CIITA: variants seen among roughly 807,000 people sequenced by gnomAD.
The protein encoded by CIITA is class II major histocompatibility complex transactivator, also known as MHC class II transactivator.
A neutral mutation model predicts 115.1 loss-of-function variants in CIITA; 72 were observed. The ratio of observed to expected loss-of-function variants is 0.63; its 90% CI spans 0.52 to 0.76. CIITA has a LOEUF of 0.76. Among genes scored for constraint, CIITA ranks in the 30% least tolerant of loss-of-function variants. CIITA has a pLI of 0.00. For missense variants in CIITA, 1,617 were observed against 1,463.8 expected (o/e 1.10, Z -1.71); for synonymous variants, 763 against 635.6 (o/e 1.20, Z -3.02).
chr16:10,899,045 C>G lies in CIITA; in HGVS notation c.436+43C>G, dbSNP rs112757186. 4.8e-5 allele frequency: 77 copies of G among 1,590,706 alleles called. No individual in the cohort carries two copies. The African/African-American group carries it at 8.9e-4, about 18-fold the overall frequency. ...TGATCCAACCTAGCCTTGCTTGAGA[C>G]CTGGCCTTTCCTTGACTCCAAAGCC... On this transcript the variant is annotated intron_variant, in intron 5 of 19. Coordinates refer to ENST00000324288, the MANE Select transcript of CIITA (RefSeq NM_000246.4).
upstream of CIITA, among the ~76,000 whole-genome samples, chr16:10,876,678 C>T (rs2035869581): frequency 6.6e-6 from 1 of 152,168 alleles, no homozygotes; most frequent in Non-Finnish European, 1.5e-5. Context: ...GGTTAACACT[C>T]TTTTGGTATA....
intron 3 of CIITA, 30 bp downstream of exon 3, chr16:10,895,794 C>T (rs778332938): frequency 7.4e-5 from 118 of 1,604,692 alleles, no homozygotes; most frequent in Middle Eastern, 3.3e-4. Flanking sequence ...CAGAAAAGGA[C>T]AATCAAGGGC....
Position 10,909,129 on chromosome 16 carries a change from T to C in CIITA, c.2758T>C (p.Phe920Leu), listed in dbSNP as rs570003993. Residue 920 changes from phenylalanine to leucine, a missense_variant, in exon 12 of 20, where the codon TTC becomes CTC. Physicochemically the swap from Phe to Leu is conservative, Grantham distance 22. Transcript: ENST00000324288. ...AAEEKFTIEP[F>L]KAKSLKDVED... ...AGAGGAGAAGTTCACCATCGAGCCT[T>C]TCAAAGCCAAGTCCCTGAAGGATGT... The C allele has an allele frequency of 3.8e-5, 61 of 1,614,076 alleles. No homozygotes were observed. The highest frequency in any genetic ancestry group is 5.1e-6 in the Non-Finnish European group (6 of 1,180,050).
upstream of CIITA, among the ~76,000 whole-genome samples, chr16:10,872,217 G>A (rs906760711): frequency 4.6e-5 from 7 of 152,080 alleles, no homozygotes; most frequent in African/African-American, 1.7e-4. Context: ...CTGCCTCCCA[G>A]ATTCAAGCAA....
chr16:10,908,287 TA>T, intron 11 of CIITA, 138 bp downstream of exon 11: 1 of 1,037,624 alleles, frequency 9.6e-7, no homozygotes, highest in Non-Finnish European at 1.4e-6. Flanking sequence ...TCTCCATTTT[TA>T]AGATGAGGAT....
chr16:10,901,888 A>T lies in CIITA; in HGVS notation c.482-150A>T. On this transcript the variant is annotated intron_variant, in intron 6 of 19. Coordinates refer to ENST00000324288, the MANE Select transcript of CIITA (RefSeq NM_000246.4). The surrounding 1 kb of genome is among the most constrained non-coding windows in gnomAD (Gnocchi z 6.8). ...ACTGGGGGACTGCCTGGCACAGAGC[A>T]GTTGCTGATCAACACAGCTGCAGCC... 7 of 1,115,244 alleles carry T rather than the reference A, an allele frequency of 6.3e-6. No individual in the cohort carries two copies. Among genetic ancestry groups the T allele is most frequent in the Non-Finnish European group, 9.3e-6 (7 of 749,832 alleles). The allele number at this position is 1,115,244 out of a possible 1,614,324, so 69.1% of individuals were successfully genotyped here. A position where few individuals can be genotyped will look rare whatever the true frequency, so the allele number is the denominator to read the frequency against.
At position 10,933,763 on chromosome 16, in the gene CIITA, A is replaced by C. The variant is rs2040899700; in HGVS notation, c.*9908A>C. The C allele has an allele frequency of 6.6e-6, 1 of 152,246 alleles. No individual in the cohort carries two copies. The highest frequency in any genetic ancestry group is 1.5e-5 in the Non-Finnish European group (1 of 68,070). 9.4% of individuals were successfully genotyped at this position (152,246 alleles called of 1,614,324 possible). A position where few individuals can be genotyped will look rare whatever the true frequency, so the allele number is the denominator to read the frequency against. On this transcript the variant is annotated 3_prime_UTR_variant, in exon 20 of 20. Transcript: ENST00000324288. ...TCCTTCAAAGACCTTGCCTTCTAGA[A>C]ACCCATTGCTCATTCCTTTCTCCAT... is the stretch of plus-strand genomic sequence containing the variant.
Position 10,907,976 on chromosome 16 carries a change from G to T in CIITA, c.2484G>T (p.Glu828Asp), listed in dbSNP as rs1404754425. 5 of 1,581,658 alleles carry T rather than the reference G, an allele frequency of 3.2e-6. No individual in the cohort carries two copies. The South Asian group carries it at 5.8e-5, about 18-fold the overall frequency. Residue 828 changes from glutamate to aspartate, a missense_variant, in exon 11 of 20, where the codon GAG becomes GAT. Glu to Asp is a conservative substitution (Grantham distance 45, BLOSUM62 2). Transcript: ENST00000324288. The surrounding 1 kb of genome is among the most constrained non-coding windows in gnomAD (Gnocchi z 5.0). ...GAATTTGGCAGCACGTGGTACAGGA[G>T]CTCCCCGGCCGCCTCTCTTTTCTGG... ...EAGIWQHVVQ[E>D]LPGRLSFLGT... is the part of the protein sequence containing the mutation.
At chr16:10,873,182 A>G (rs2035601213), upstream of CIITA, among the ~76,000 whole-genome samples, 1 of 152,052 alleles carries the variant, frequency 6.6e-6, no homozygotes, top group South Asian at 2.1e-4. Context: ...TATGTTTCCC[A>G]CGGCTGGTCT....
At chr16:10,872,307 G>C (rs977969006), upstream of CIITA, among the ~76,000 whole-genome samples, 1 of 152,012 alleles carries the variant, frequency 6.6e-6, no homozygotes, top group Admixed American at 6.6e-5. Context: ...ATTTTTAGTA[G>C]AGACAGGGTT....
intron 1 of CIITA, among the ~76,000 whole-genome samples, chr16:10,892,373 G>A (rs771228599): frequency 6.6e-5 from 10 of 151,984 alleles, no homozygotes; most frequent in Non-Finnish European, 1.2e-4. Flanking sequence ...GTGGCAAGTT[G>A]AGTGTGTGTT....
At position 10,926,393 on chromosome 16, in the gene CIITA, G is replaced by T. The variant is rs1226472086; in HGVS notation, c.*2538G>T. 2 of 152,266 alleles carry T rather than the reference G, an allele frequency of 1.3e-5. No homozygotes were observed. The highest frequency in any genetic ancestry group is 4.8e-5 in the African/African-American group (2 of 41,448). The allele number at this position is 152,266 out of a possible 1,614,324, so 9.4% of individuals were successfully genotyped here. A position where few individuals can be genotyped will look rare whatever the true frequency, so the allele number is the denominator to read the frequency against. Reference sequence around the variant, plus strand: ...CCTGTGTGTGCGCCTACAGGAGTGAGCACTAAGGTGTGCTCTGATCATCCA... The same window carrying T: ...CCTGTGTGTGCGCCTACAGGAGTGATCACTAAGGTGTGCTCTGATCATCCA... On this transcript the variant is annotated 3_prime_UTR_variant, in exon 20 of 20. Coordinates refer to ENST00000324288, the MANE Select transcript of CIITA (RefSeq NM_000246.4).
intron 16 of CIITA, 143 bp downstream of exon 16, chr16:10,918,669 G>A: frequency 1.4e-6 from 1 of 700,458 alleles, no homozygotes; most frequent in Middle Eastern, 3.9e-4. Flanking sequence ...GCGGGACGTG[G>A]TGAAAGAAAC....
chr16:10,872,041 A>G (rs2035520148), intron 1 of CIITA, among the ~76,000 whole-genome samples: 1 of 151,314 alleles, frequency 6.6e-6, no homozygotes, highest in African/African-American at 2.4e-5. Flanking sequence ...CTGCCCTCCA[A>G]CTTTCCTGAT....
At chr16:10,909,241 T>C in intron 12 of CIITA, 54 bp downstream of exon 12, 1 of 1,585,772 alleles carries the variant, frequency 6.3e-7, no homozygotes, top group Non-Finnish European at 8.7e-7. Context: ...TGAGGACATG[T>C]AGGACCCATT....
At chr16:10,866,851 A>G (rs1433997406) in intron 1 of CIITA, among the ~76,000 whole-genome samples, 2 of 152,222 alleles carry the variant, frequency 1.3e-5, no homozygotes, top group Admixed American at 1.3e-4. Context: ...ACGATACACC[A>G]ACATTAACGG....
chr16:10,895,569 G>T (rs2038046757), intron 2 of CIITA, 100 bp from the exon 3 acceptor site: 5 of 1,561,564 alleles, frequency 3.2e-6, no homozygotes, highest in Non-Finnish European at 4.4e-6. Flanking sequence ...GCTCTCTGCA[G>T]ATGGGGATGA....
At chr16:10,867,954 G>T (rs1389621308) in intron 1 of CIITA, among the ~76,000 whole-genome samples, 1 of 151,754 alleles carries the variant, frequency 6.6e-6, no homozygotes, top group Non-Finnish European at 1.5e-5. Context: ...TAGAGATGAG[G>T]TCTCACTATG....
chr16:10,941,625 G>T lies in CIITA; in HGVS notation n.751G>T, dbSNP rs1276926245. ...GGGGAACCATCCCCGTCCAGATGGTGCCCCCAACCAGCTGCGGCGGCATGA... is the reference window on the plus strand; with the variant it reads ...GGGGAACCATCCCCGTCCAGATGGTTCCCCCAACCAGCTGCGGCGGCATGA... On this transcript the variant is annotated non_coding_transcript_exon_variant, in exon 2 of 2. Coordinates refer to the CIITA transcript ENST00000573379. The surrounding 1 kb of genome is among the most constrained non-coding windows in gnomAD (Gnocchi z 6.4). 3.3e-6 allele frequency: 5 copies of T among 1,517,882 alleles called. No individual in the cohort carries two copies. Among genetic ancestry groups the T allele is most frequent in the Non-Finnish European group, 4.4e-6 (5 of 1,134,196 alleles). 94.0% of individuals were successfully genotyped at this position (1,517,882 alleles called of 1,614,324 possible). A position where few individuals can be genotyped will look rare whatever the true frequency, so the allele number is the denominator to read the frequency against.
Sources: allele counts gnomAD v4.1 joint callset (sites outside exome capture counted in the v4.1 genomes callset), GRCh38; gene constraint gnomAD v4.1.1; non-coding constraint Gnocchi (gnomAD v3.1); transcripts MANE v1.5; gene names NCBI Gene and HGNC (gene_info 2026-07-23, HGNC 2026-07-21).